Variants in NTN4 observed in about 807,000 individuals in gnomAD.
NTN4 encodes netrin-4.
NTN4 carries 32 observed loss-of-function variants against 73.6 expected under a neutral mutation model. The observed-to-expected ratio is 0.44, with a 90% CI of 0.33 to 0.58. The LOEUF is 0.58. NTN4 is among the 20% of genes least tolerant of loss of function. The probability of loss-of-function intolerance (pLI) is 0.04; values close to 1 mark genes in which losing one functional copy is unlikely to be tolerated. For missense variants in NTN4, 654 were observed against 798.3 expected (o/e 0.82, Z 2.18); for synonymous variants, 258 against 287.5 (o/e 0.90, Z 1.04).
In NTN4 at chr12:95,770,988, A is replaced by AATTTTTTTTTTTTTTTTT. The variant is rs2079053316; in HGVS notation, c.585+15950_585+15951insAAAAAAAAAAAAAAAAAT. On this transcript the variant is annotated intron_variant, in intron 2 of 9. Coordinates refer to ENST00000343702, the MANE Select transcript of NTN4 (RefSeq NM_021229.4). ...GCAAGATGAACCATCCAGGAAAAGA[A>AATTTTTTTTTTTTTTTTT]TTTGTTTTTTTTTTTTTTTGAGACA... Among the ~76,000 whole-genome samples the AATTTTTTTTTTTTTTTTT allele has an allele frequency of 1.4e-3, 80 of 58,056 alleles. 1 individual carries two copies. Among genetic ancestry groups the AATTTTTTTTTTTTTTTTT allele is most frequent in the African/African-American group, 3.2e-3 (74 of 22,838 alleles). 38.1% of individuals were successfully genotyped at this position (58,056 alleles called of 152,430 possible). A position where few individuals can be genotyped will look rare whatever the true frequency, so the allele number is the denominator to read the frequency against.
At chr12:95,666,009 A>AATTTCAT in intron 8 of NTN4, 29 bp from the exon 9 acceptor site, 1 of 1,499,432 alleles carries the variant, frequency 6.7e-7, no homozygotes, top group African/African-American at 1.4e-5. Context: ...AAATGCATAG[A>AATTTCAT]ATTTCATATT....
At chr12:95,699,648 G>C (rs537928470) in intron 5 of NTN4, among the ~76,000 whole-genome samples, 1 of 152,032 alleles carries the variant, frequency 6.6e-6, no homozygotes, top group East Asian at 1.9e-4. Flanking sequence ...AAAAAGATCT[G>C]GATGATATAA....
At chr12:95,687,092 CCCACTCCCTCCAGACAGTTAG>C (rs1186579948) in intron 5 of NTN4, among the ~76,000 whole-genome samples, 20 of 152,328 alleles carry the variant, frequency 1.3e-4, no homozygotes, top group Admixed American at 1.2e-3. Flanking sequence ...GATTTCTTGT[CCCACTCCCTCCAGACAGTTAG>C]CCACTCTCTC....
At position 95,787,359 on chromosome 12, in the gene NTN4, C is replaced by G; in HGVS notation, c.165G>C (p.Gln55His). 1 of 1,614,222 alleles carries G rather than the reference C, an allele frequency of 6.2e-7. No individual in the cohort carries two copies. The highest frequency in any genetic ancestry group is 8.5e-7 in the Non-Finnish European group (1 of 1,180,048). Residue 55 changes from glutamine (Q) to histidine (H), a missense_variant, in exon 2 of 10, where the codon CAG (glutamine) becomes CAC (histidine). Coordinates refer to ENST00000343702, the MANE Select transcript of NTN4 (RefSeq NM_021229.4). Reference protein sequence around the residue: ...RKLWADTTCGQNATELYCFYS... With the variant: ...RKLWADTTCGHNATELYCFYS... ...AGAAGCAGTACAGTTCGGTAGCATT[C>G]TGACCGCAGGTGGTGTCTGCCCAGA... is the stretch of plus-strand genomic sequence containing the variant.
chr12:95,747,571 T>C (rs960657895), intron 2 of NTN4, among the ~76,000 whole-genome samples: 39 of 152,328 alleles, frequency 2.6e-4, no homozygotes, highest in African/African-American at 8.9e-4. Flanking sequence ...CTCAAAGTTT[T>C]GGGATTACAG....
chr12:95,728,022 T>C (rs942745897), intron 3 of NTN4, among the ~76,000 whole-genome samples: 2 of 152,228 alleles, frequency 1.3e-5, no homozygotes, highest in Non-Finnish European at 2.9e-5. Flanking sequence ...TGCATTTGGT[T>C]AAGTTTATTT....
chr12:95,670,194 A>G (rs949867818), intron 7 of NTN4, 48 bp from the exon 8 acceptor site: 2 of 1,189,538 alleles, frequency 1.7e-6, no homozygotes, highest in South Asian at 1.4e-5. Context: ...AAAAGCAAAG[A>G]AAGAAAAAAT....
intron 9 of NTN4, chr12:95,663,315 A>C (rs2078152852): frequency 6.6e-6 from 1 of 152,216 alleles, no homozygotes; most frequent in African/African-American, 2.4e-5. Flanking sequence ...AATATGCAAA[A>C]CAATGTTCTT....
At chr12:95,709,148 A>G (rs1054899713) in intron 5 of NTN4, among the ~76,000 whole-genome samples, 2 of 152,230 alleles carry the variant, frequency 1.3e-5, no homozygotes, top group African/African-American at 4.8e-5. Context: ...AAAGAGCAAT[A>G]TAGTTTTTCC....
chr12:95,659,002 CCA>C lies in NTN4; in HGVS notation c.*82_*83del. ...ATATGTTTTGGCACTTTAAAAAATT[CCA>C]GTTTCCTGTCTGAGGTCTTCTTGCT... On this transcript the variant is annotated 3_prime_UTR_variant, in exon 10 of 10. Coordinates refer to ENST00000343702, the MANE Select transcript of NTN4 (RefSeq NM_021229.4). 7.4e-7 allele frequency: 1 copy of C among 1,358,608 alleles called. No individual in the cohort carries two copies. The highest frequency in any genetic ancestry group is 1.0e-6 in the Non-Finnish European group (1 of 1,004,804). The allele number at this position is 1,358,608 out of a possible 1,614,324, so 84.2% of individuals were successfully genotyped here.
intron 3 of NTN4, among the ~76,000 whole-genome samples, chr12:95,729,628 AGAGAGTGT>A (rs754182023): frequency 0.069 from 7,039 of 101,582 alleles, 217 homozygotes; most frequent in Non-Finnish European, 0.1. Flanking sequence ...AGAGAGAGAG[AGAGAGTGT>A]GTGTGTGTGT....
At chr12:95,769,751 CTTTTTTTTTT>C (rs34093723) in intron 2 of NTN4, among the ~76,000 whole-genome samples, 2 of 117,118 alleles carry the variant, frequency 1.7e-5, no homozygotes, top group Non-Finnish European at 3.4e-5. Flanking sequence ...AGGTTTCAAT[CTTTTTTTTTT>C]TTTTTTTTTT....
chr12:95,712,523 A>G (rs1354863558), intron 4 of NTN4, among the ~76,000 whole-genome samples: 3 of 152,316 alleles, frequency 2.0e-5, no homozygotes, highest in Admixed American at 6.5e-5. Context: ...TGAATTCAAC[A>G]TAGCTATTTT....
At chr12:95,764,987 A>G (rs2079011334) in intron 2 of NTN4, among the ~76,000 whole-genome samples, 1 of 152,216 alleles carries the variant, frequency 6.6e-6, no homozygotes, top group Admixed American at 6.5e-5. Flanking sequence ...TAGAAATCTA[A>G]CTTGTTCACT....
At chr12:95,730,021 G>C (rs1022973017) in intron 3 of NTN4, among the ~76,000 whole-genome samples, 1 of 152,120 alleles carries the variant, frequency 6.6e-6, no homozygotes, top group African/African-American at 2.4e-5. Flanking sequence ...ATGTTATACT[G>C]AAAAGGAAGT....
intron 2 of NTN4, among the ~76,000 whole-genome samples, chr12:95,748,307 A>G (rs565674312): frequency 1.3e-5 from 2 of 151,730 alleles, no homozygotes; most frequent in African/African-American, 4.8e-5. Flanking sequence ...TCATTACATT[A>G]TTCAAATATG....
intron 2 of NTN4, among the ~76,000 whole-genome samples, chr12:95,762,706 A>G (rs1410240543): frequency 6.6e-6 from 1 of 152,244 alleles, no homozygotes; most frequent in Non-Finnish European, 1.5e-5. Context: ...AGTAAATGGT[A>G]TGAAATTAGT....
At chr12:95,787,499 A>G (rs1464428969) in intron 1 of NTN4, 31 bp from the exon 2 acceptor site, 3 of 1,599,776 alleles carry the variant, frequency 1.9e-6, no homozygotes, top group East Asian at 2.2e-5. Flanking sequence ...ATGATGCAAG[A>G]CAAACCCATC....
intron 2 of NTN4, among the ~76,000 whole-genome samples, chr12:95,754,195 C>G (rs2078931188): frequency 1.3e-5 from 2 of 152,110 alleles, no homozygotes. Context: ...TCAATTCATA[C>G]AAAACTGTAT....
Sources: gnomAD v4.1 joint callset for allele counts (sites outside exome capture counted in the v4.1 genomes callset) on GRCh38, gnomAD v4.1.1 for gene constraint, MANE v1.5 for transcripts, NCBI Gene and HGNC (gene_info 2026-07-23, HGNC 2026-07-21) for gene names.